The following FAM117B variants were observed in gnomAD, a reference collection of about 807,000 sequenced individuals.
FAM117B encodes protein FAM117B.
A neutral mutation model predicts 52.8 loss-of-function variants in FAM117B; 22 were observed. That is an observed-to-expected ratio of 0.42 (90% CI 0.30 to 0.59). FAM117B has a LOEUF of 0.59. Among genes scored for constraint, FAM117B ranks in the 20% least tolerant of loss-of-function variants. The pLI, the probability that FAM117B is intolerant of heterozygous loss-of-function variation, is 0.22. For missense variants in FAM117B, 678 were observed against 802.6 expected (o/e 0.84, Z 1.88); for synonymous variants, 309 against 324.1 (o/e 0.95, Z 0.50).
intron 4 of FAM117B, among the ~76,000 whole-genome samples, chr2:202,740,747 A>G (rs1322890699): frequency 6.6e-6 from 1 of 152,152 alleles, no homozygotes; most frequent in East Asian, 1.9e-4. Context: ...GAAGTTGTAC[A>G]TGGAAGTCAT....
chr2:202,644,113 T>C (rs929145336), intron 1 of FAM117B, among the ~76,000 whole-genome samples: 2 of 143,020 alleles, frequency 1.4e-5, no homozygotes, highest in East Asian at 4.2e-4. Flanking sequence ...AGTGACTTGC[T>C]ACTGTGGAAA....
At chr2:202,757,010 A>G (rs1264919102) in intron 5 of FAM117B, among the ~76,000 whole-genome samples, 1 of 152,126 alleles carries the variant, frequency 6.6e-6, no homozygotes, top group African/African-American at 2.4e-5. Context: ...CCTTGGGAAT[A>G]CAAAGTCTTC....
chr2:202,714,068 T>G (rs1053705812), intron 2 of FAM117B, among the ~76,000 whole-genome samples: 2 of 152,254 alleles, frequency 1.3e-5, no homozygotes, highest in South Asian at 4.1e-4. Context: ...CATTGACCCA[T>G]TGGTCATTCA....
intron 1 of FAM117B, among the ~76,000 whole-genome samples, chr2:202,666,047 T>A (rs1227498717): frequency 1.3e-5 from 2 of 152,238 alleles, no homozygotes; most frequent in Non-Finnish European, 2.9e-5. Flanking sequence ...ATATGTATTA[T>A]GGCAACATTT....
At chr2:202,690,253 C>T (rs1192817067) in intron 1 of FAM117B, among the ~76,000 whole-genome samples, 1 of 152,094 alleles carries the variant, frequency 6.6e-6, no homozygotes, top group East Asian at 1.9e-4. Context: ...TTGAATTAAC[C>T]AAAAAGCATG....
intron 7 of FAM117B, 65 bp from the exon 8 acceptor site, chr2:202,765,379 CTT>C (rs373287818): frequency 3.8e-3 from 4,141 of 1,101,648 alleles, no homozygotes; most frequent in Non-Finnish European, 4.3e-3. Context: ...TGTTTCCAAG[CTT>C]TTTTTTTTTT....
intron 1 of FAM117B, among the ~76,000 whole-genome samples, chr2:202,656,018 G>A (rs1443326633): frequency 6.6e-6 from 1 of 152,144 alleles, no homozygotes; most frequent in Non-Finnish European, 1.5e-5. Flanking sequence ...GTTTATTTGT[G>A]GACATGCAGT....
Position 202,721,386 on chromosome 2 carries a change from G to T in FAM117B, c.754-3531G>T, listed in dbSNP as rs534634660. Among the ~76,000 whole-genome samples, 718 of 151,994 alleles carry T rather than the reference G, an allele frequency of 4.7e-3. 7 individuals carry two copies. Among genetic ancestry groups the T allele is most frequent in the African/African-American group, 0.016 (683 of 41,462 alleles). ...AAACTATTTTCATAAAACTTATTCT[G>T]TTTCTATCCTCTGTTTTACATGAAA... On this transcript the variant is annotated intron_variant, in intron 2 of 7. Coordinates refer to ENST00000392238, the MANE Select transcript of FAM117B (RefSeq NM_173511.4).
intron 4 of FAM117B, among the ~76,000 whole-genome samples, chr2:202,742,300 C>T (rs1480093700): frequency 6.6e-6 from 1 of 152,144 alleles, no homozygotes; most frequent in East Asian, 1.9e-4. Context: ...TCAAAACATA[C>T]TATAAAGCCT....
intron 1 of FAM117B, among the ~76,000 whole-genome samples, chr2:202,665,359 A>G (rs1690186577): frequency 6.6e-6 from 1 of 151,716 alleles, no homozygotes; most frequent in Admixed American, 6.6e-5. Flanking sequence ...CCAGCAGTGG[A>G]ATATCTCTCA....
In FAM117B at chr2:202,766,105, CA is replaced by C. The variant is rs1553526406; in HGVS notation, c.*342del. 4.9e-5 allele frequency: 10 copies of C among 203,082 alleles called. No homozygotes were observed. Among genetic ancestry groups the C allele is most frequent in the Admixed American group, 2.3e-4 (4 of 17,638 alleles). 12.6% of individuals were successfully genotyped at this position (203,082 alleles called of 1,614,324 possible). On this transcript the variant is annotated 3_prime_UTR_variant, in exon 8 of 8. Transcript: ENST00000392238. Reference sequence around the variant, plus strand: ...ACACACACACACACACACACACACACACCCCTGATCCTTGCCAACATGATTC... The same window carrying C: ...ACACACACACACACACACACACACACCCCCTGATCCTTGCCAACATGATTC...
chr2:202,725,036 G>C (rs981077260), intron 3 of FAM117B, 27 bp downstream of exon 3: 1 of 1,554,768 alleles, frequency 6.4e-7, no homozygotes, highest in Admixed American at 1.7e-5. Flanking sequence ...TAAGATAGTG[G>C]GTGTGGAAAT....
At chr2:202,668,171 A>G (rs1459469672) in intron 1 of FAM117B, among the ~76,000 whole-genome samples, 1 of 139,928 alleles carries the variant, frequency 7.1e-6, no homozygotes, top group Non-Finnish European at 1.5e-5. Flanking sequence ...TATAATACAT[A>G]CATATTATAT....
At chr2:202,658,317 A>C (rs961904271) in intron 1 of FAM117B, among the ~76,000 whole-genome samples, 1 of 151,992 alleles carries the variant, frequency 6.6e-6, no homozygotes, top group Non-Finnish European at 1.5e-5. Flanking sequence ...TTTTTTAAAA[A>C]AATTGAGACA....
At position 202,697,694 on chromosome 2, in the gene FAM117B, C is replaced by T. The variant is rs139369484; in HGVS notation, c.753+1662C>T. 3.3e-5 allele frequency among the ~76,000 whole-genome samples: 5 copies of T among 151,436 alleles called. No individual in the cohort carries two copies. The East Asian group carries it at 9.8e-4, about 30-fold the overall frequency. On this transcript the variant is annotated intron_variant, in intron 2 of 7. Transcript: ENST00000392238. Reference sequence around the variant, plus strand: ...GCCTCCCGAGGAGCTGGACTACAGGCGTGCACCACCATTTCTGACTAATTT... The same window carrying T: ...GCCTCCCGAGGAGCTGGACTACAGGTGTGCACCACCATTTCTGACTAATTT...
chr2:202,708,753 T>G (rs1294570454), intron 2 of FAM117B, among the ~76,000 whole-genome samples: 1 of 152,096 alleles, frequency 6.6e-6, no homozygotes, highest in Non-Finnish European at 1.5e-5. Context: ...TCTAGGCATG[T>G]GCCACCACAC....
At chr2:202,649,477 T>C (rs1249153516) in intron 1 of FAM117B, among the ~76,000 whole-genome samples, 2 of 152,244 alleles carry the variant, frequency 1.3e-5, no homozygotes, top group Non-Finnish European at 2.9e-5. Context: ...GATATAATTG[T>C]CAAATACTTT....
At chr2:202,692,762 G>A (rs1159506376) in intron 1 of FAM117B, among the ~76,000 whole-genome samples, 4 of 152,172 alleles carry the variant, frequency 2.6e-5, no homozygotes, top group Non-Finnish European at 5.9e-5. Flanking sequence ...ATGATTTGTA[G>A]TGCTGAGCAG....
chr2:202,694,264 C>T (rs1283572491), intron 1 of FAM117B, among the ~76,000 whole-genome samples: 2 of 143,616 alleles, frequency 1.4e-5, no homozygotes, highest in Non-Finnish European at 3.0e-5. Flanking sequence ...GATCTTGGCT[C>T]ACTGCAACCT....
Sources: allele counts gnomAD v4.1 joint callset (sites outside exome capture counted in the v4.1 genomes callset), GRCh38; gene constraint gnomAD v4.1.1; transcripts MANE v1.5; gene names NCBI Gene and HGNC (gene_info 2026-07-23, HGNC 2026-07-21).